CNTNAP2: variants seen among roughly 807,000 people sequenced by gnomAD.
The protein encoded by CNTNAP2 is contactin associated protein 2.
In CNTNAP2, 98 loss-of-function variants were observed where a neutral mutation model predicts 155.2. That is an observed-to-expected ratio of 0.63 (90% CI 0.54 to 0.75). The LOEUF (loss-of-function observed/expected upper bound fraction) is 0.75, where lower values mean the gene tolerates loss of function less well. CNTNAP2 is among the 30% of genes least tolerant of loss of function. CNTNAP2 has a pLI of 0.00. For missense variants in CNTNAP2, 1,727 were observed against 1,688.1 expected, an observed-to-expected ratio of 1.02 and a Z score of -0.40; for synonymous variants, 651 against 631.2, an observed-to-expected ratio of 1.03 and a Z score of -0.47.
At chr7:148,306,326 A>T (rs1195383750) in intron 21 of CNTNAP2, among the ~76,000 whole-genome samples, 1 of 152,186 alleles carries the variant, frequency 6.6e-6, no homozygotes, top group African/African-American at 2.4e-5. Flanking sequence ...TGGAACACAC[A>T]TGGGGCCTTT....
In CNTNAP2 at chr7:146,723,267, A is replaced by G. The variant is rs143686940; in HGVS notation, c.98-51004A>G. On this transcript the variant is annotated intron_variant, in intron 1 of 23. Transcript: ENST00000361727. ...TGCTGCAGCCACGAGACAAGAAACAACTGGGGCCACCAGAAGCTAGAAGGG... is the reference window on the plus strand; with the variant it reads ...TGCTGCAGCCACGAGACAAGAAACAGCTGGGGCCACCAGAAGCTAGAAGGG... 9.0e-3 allele frequency among the ~76,000 whole-genome samples: 1,370 copies of G among 152,142 alleles called. 8 individuals are homozygous for G. The highest frequency in any genetic ancestry group is 0.014 in the Non-Finnish European group (966 of 67,998).
At chr7:146,998,666 C>A (rs543203660) in intron 3 of CNTNAP2, among the ~76,000 whole-genome samples, 1 of 151,928 alleles carries the variant, frequency 6.6e-6, no homozygotes, top group African/African-American at 2.4e-5. Flanking sequence ...TTCAGCCTAT[C>A]GCTTCCATTT....
chr7:146,683,846 A>G (rs1435687172), intron 1 of CNTNAP2, among the ~76,000 whole-genome samples: 1 of 152,224 alleles, frequency 6.6e-6, no homozygotes, highest in African/African-American at 2.4e-5. Context: ...GTAAAATGAT[A>G]TATGTACAAA....
rs534588065 is a variant in CNTNAP2 at position 147,136,582 on chromosome 7, T to G, written c.1348+4073T>G. Among the ~76,000 whole-genome samples, 55 of 152,000 alleles carry G rather than the reference T, an allele frequency of 3.6e-4. 1 individual carries two copies. The highest frequency in any genetic ancestry group is 1.3e-3 in the African/African-American group (53 of 41,498). ...GTGTGGCTGGGAGCATGCTGGGAAA[T>G]AGTTCTCAGTTCAATCTGGGCAAAT... On this transcript the variant is annotated intron_variant, in intron 8 of 23. Transcript: ENST00000361727.
At chr7:146,478,851 G>T (rs1037906039) in intron 1 of CNTNAP2, among the ~76,000 whole-genome samples, 2 of 152,110 alleles carry the variant, frequency 1.3e-5, no homozygotes, top group Non-Finnish European at 2.9e-5. Flanking sequence ...GTAGTTTAAT[G>T]TTGTCTTTCC....
intron 1 of CNTNAP2, among the ~76,000 whole-genome samples, chr7:146,659,666 A>G (rs1354139322): frequency 6.6e-6 from 1 of 152,242 alleles, no homozygotes; most frequent in Non-Finnish European, 1.5e-5. Flanking sequence ...ATCACAAAAC[A>G]TAAAAGGTAA....
intron 4 of CNTNAP2, among the ~76,000 whole-genome samples, chr7:147,096,100 T>C (rs1191854488): frequency 2.6e-5 from 4 of 152,240 alleles, no homozygotes; most frequent in Non-Finnish European, 4.4e-5. Context: ...CACAGGCAGA[T>C]ACATACTGGT....
rs1184421288 is a variant in CNTNAP2, at chr7:146,764,420, G to T, written c.98-9851G>T. On this transcript the variant is annotated intron_variant, in intron 1 of 23. Transcript: ENST00000361727. ...AGTTATAAAATTAAAACTTCAATTT[G>T]TTTTCCAGATTACAGCTAGGGTAAA... Among the ~76,000 whole-genome samples the T allele has an allele frequency of 2.0e-5, 3 of 150,914 alleles. No individual in the cohort carries two copies. In the East Asian group the frequency reaches 5.8e-4, roughly 29 times the overall value.
At chr7:147,078,696 ACTCT>A (rs1047998254) in intron 4 of CNTNAP2, among the ~76,000 whole-genome samples, 4 of 151,302 alleles carry the variant, frequency 2.6e-5, no homozygotes, top group Non-Finnish European at 4.4e-5. Flanking sequence ...ATTAAAAAAA[ACTCT>A]CTATCTAGTC....
intron 12 of CNTNAP2, among the ~76,000 whole-genome samples, chr7:147,638,017 TC>T (rs1795209932): frequency 6.6e-6 from 1 of 152,200 alleles, no homozygotes; most frequent in Non-Finnish European, 1.5e-5. Flanking sequence ...TCGCCAATAT[TC>T]AAAATAATGA....
chr7:147,543,296 C>G (rs778359292), intron 11 of CNTNAP2, among the ~76,000 whole-genome samples: 2 of 152,304 alleles, frequency 1.3e-5, no homozygotes, highest in African/African-American at 4.8e-5. Context: ...CTTAAGAATG[C>G]CTTTAAGCGG....
At position 147,839,100 on chromosome 7, in the gene CNTNAP2, A is replaced by T. The variant is rs1389369648; in HGVS notation, c.2099-64465A>T. On this transcript the variant is annotated intron_variant, in intron 13 of 23. Coordinates refer to ENST00000361727, the MANE Select transcript of CNTNAP2 (RefSeq NM_014141.6). ...GCAGGAAGTAGCCAGCACAAGAGAA[A>T]AATATAGACCAGAAGACTAAGCCAG... is the stretch of plus-strand genomic sequence containing the variant. Among the ~76,000 whole-genome samples the T allele has an allele frequency of 2.6e-5, 4 of 152,118 alleles. No homozygotes were observed. In the East Asian group the frequency reaches 7.7e-4, roughly 29 times the overall value.
At chr7:148,313,435 C>T (rs1029047471) in intron 21 of CNTNAP2, among the ~76,000 whole-genome samples, 2 of 151,388 alleles carry the variant, frequency 1.3e-5, no homozygotes, top group African/African-American at 2.4e-5. Context: ...TGGGGTCCCG[C>T]ACAGATGGGA....
chr7:147,125,261 C>T (rs1176972610), intron 6 of CNTNAP2, among the ~76,000 whole-genome samples: 1 of 152,098 alleles, frequency 6.6e-6, no homozygotes, highest in Middle Eastern at 3.4e-3. Flanking sequence ...GTGATCTGCC[C>T]GCCTCAGCCT....
chr7:147,851,028 CA>C (rs1298663766), intron 13 of CNTNAP2, among the ~76,000 whole-genome samples: 1 of 152,186 alleles, frequency 6.6e-6, no homozygotes. Context: ...ACCCATCTGA[CA>C]AAGGGCTAAT....
At chr7:146,651,185 T>A (rs932923387) in intron 1 of CNTNAP2, among the ~76,000 whole-genome samples, 12 of 152,118 alleles carry the variant, frequency 7.9e-5, no homozygotes, top group Non-Finnish European at 1.8e-4. Context: ...AAATTGCGTA[T>A]TTTTTTAGAG....
intron 2 of CNTNAP2, among the ~76,000 whole-genome samples, chr7:146,833,610 C>T (rs990044923): frequency 1.3e-5 from 2 of 152,162 alleles, no homozygotes; most frequent in Admixed American, 6.5e-5. Context: ...GGCATACAGC[C>T]TCATATAATC....
rs1232119183 is a variant in CNTNAP2 at position 147,842,555 on chromosome 7, TTC to T, written c.2099-61008_2099-61007del. On this transcript the variant is annotated intron_variant, in intron 13 of 23. Coordinates refer to ENST00000361727, the MANE Select transcript of CNTNAP2 (RefSeq NM_014141.6). ...TTAGATTTAAATATTTCAGTTGCAT[TTC>T]TTTTTTTTTTTTTTTTACTTTTTAC... Among the ~76,000 whole-genome samples the T allele has an allele frequency of 2.8e-5, 4 of 145,406 alleles. No individual in the cohort carries two copies. The South Asian group carries it at 8.6e-4, about 31-fold the overall frequency.
At chr7:147,273,426 T>C (rs1804807343) in intron 8 of CNTNAP2, among the ~76,000 whole-genome samples, 1 of 152,124 alleles carries the variant, frequency 6.6e-6, no homozygotes, top group East Asian at 1.9e-4. Context: ...ATTTATGTAA[T>C]GGTGAAATTT....
Sources: gnomAD v4.1 joint callset for allele counts (sites outside exome capture counted in the v4.1 genomes callset) on GRCh38, gnomAD v4.1.1 for gene constraint, MANE v1.5 for transcripts, NCBI Gene and HGNC (gene_info 2026-07-23, HGNC 2026-07-21) for gene names.